Variants in RBFOX1 observed in about 807,000 individuals in gnomAD.
The protein encoded by RBFOX1 is RNA binding protein fox-1 homolog 1.
A neutral mutation model predicts 57.7 loss-of-function variants in RBFOX1; 8 were observed. The observed-to-expected ratio is 0.14, with a 90% CI of 0.08 to 0.25. The LOEUF is 0.25. RBFOX1 is among the 10% of genes least tolerant of loss of function. RBFOX1 has a pLI of 1.00. For synonymous variants in RBFOX1, 326 were observed against 222.4 expected, an observed-to-expected ratio of 1.47 and a Z score of -4.15; for missense variants, 611 against 548.5, an observed-to-expected ratio of 1.11 and a Z score of -1.14.
intron 3 of RBFOX1, among the ~76,000 whole-genome samples, chr16:6,720,694 C>T (rs903786819): frequency 5.9e-5 from 9 of 152,106 alleles, no homozygotes; most frequent in Non-Finnish European, 8.8e-5. Context: ...CTAGAGAGAC[C>T]AGGGTGGTGG....
intron 3 of RBFOX1, among the ~76,000 whole-genome samples, chr16:5,641,405 G>GT (rs1402689439): frequency 2.0e-5 from 3 of 152,238 alleles, no homozygotes; most frequent in Non-Finnish European, 4.4e-5. Context: ...TCCAGTAGTA[G>GT]TAAGTGCTAC....
intron 1 of RBFOX1, among the ~76,000 whole-genome samples, chr16:6,070,380 C>T (rs915393206): frequency 2.0e-5 from 3 of 152,348 alleles, no homozygotes; most frequent in Non-Finnish European, 2.9e-5. Flanking sequence ...ATTTCATACA[C>T]TTCAGATTAT....
chr16:5,379,426 GCTGTGGCTCT>G lies in RBFOX1; in HGVS notation c.220-87789_220-87780del, dbSNP rs1306364253. On this transcript the variant is annotated intron_variant, in intron 1 of 2. Coordinates refer to the RBFOX1 transcript ENST00000585867. ...GGGCCATTCCTACCTGGGGTGGAGA[GCTGTGGCTCT>G]AATGGAAAGTGTGTCTGAAAACATA... Among the ~76,000 whole-genome samples, 5 of 147,582 alleles carry G rather than the reference GCTGTGGCTCT, an allele frequency of 3.4e-5. No homozygotes were observed. In the East Asian group the frequency reaches 9.7e-4, roughly 28 times the overall value.
chr16:7,345,284 A>G (rs1428386534), intron 4 of RBFOX1, among the ~76,000 whole-genome samples: 1 of 151,686 alleles, frequency 6.6e-6, no homozygotes, highest in African/African-American at 2.4e-5. Flanking sequence ...ACAGCTCTGC[A>G]TTTGTTTTGG....
chr16:7,683,545 C>T (rs2075385123), intron 14 of RBFOX1, among the ~76,000 whole-genome samples: 1 of 152,064 alleles, frequency 6.6e-6, no homozygotes, highest in South Asian at 2.1e-4. Context: ...AAGGAATTTC[C>T]AAGCCCAACA....
intron 3 of RBFOX1, among the ~76,000 whole-genome samples, chr16:6,816,975 T>G (rs2090218952): frequency 6.6e-6 from 1 of 152,076 alleles, no homozygotes; most frequent in African/African-American, 2.4e-5. Context: ...CTCATACTCC[T>G]GTGCTCAAGC....
At chr16:7,507,854 C>T (rs181795463) in intron 4 of RBFOX1, among the ~76,000 whole-genome samples, 112 of 152,058 alleles carry the variant, frequency 7.4e-4, no homozygotes, top group African/African-American at 2.4e-3. Flanking sequence ...TGAGCCACGG[C>T]GCCCGGCCGG....
chr16:7,490,884 G>C (rs775729140), intron 4 of RBFOX1, among the ~76,000 whole-genome samples: 24 of 152,224 alleles, frequency 1.6e-4, no homozygotes, highest in Non-Finnish European at 2.6e-4. Context: ...TCTGACATTA[G>C]GGTGTCTTTA....
chr16:6,957,508 C>T (rs930873793), intron 3 of RBFOX1, among the ~76,000 whole-genome samples: 2 of 152,122 alleles, frequency 1.3e-5, no homozygotes, highest in African/African-American at 4.8e-5. Flanking sequence ...CATTTATAAA[C>T]TTTCACCGTG....
rs537458577 is a variant in RBFOX1 at position 5,615,779 on chromosome 16, G to A, written c.318+16818G>A. Among the ~76,000 whole-genome samples the A allele has an allele frequency of 2.0e-5, 3 of 152,326 alleles. No individual in the cohort carries two copies. The East Asian group carries it at 5.8e-4, about 29-fold the overall frequency. ...GGAAAAAGGACCCCAGATGATGAGT[G>A]CCTATCTGGGTTTCTGCCCCATGAT... On this transcript the variant is annotated intron_variant, in intron 3 of 19. Transcript: ENST00000641259.
At chr16:6,353,750 C>G (rs1284397600) in intron 2 of RBFOX1, among the ~76,000 whole-genome samples, 1 of 152,144 alleles carries the variant, frequency 6.6e-6, no homozygotes, top group Non-Finnish European at 1.5e-5. Context: ...AAAATTCATG[C>G]AAGCGAACGG....
intron 5 of RBFOX1, among the ~76,000 whole-genome samples, chr16:7,551,016 C>T (rs752669954): frequency 1.1e-4 from 17 of 150,046 alleles, no homozygotes; most frequent in Non-Finnish European, 1.9e-4. Context: ...ATCACTTGAA[C>T]CCAGGAGGCG....
intron 3 of RBFOX1, among the ~76,000 whole-genome samples, chr16:6,664,502 G>A (rs748257592): frequency 6.6e-6 from 1 of 152,108 alleles, no homozygotes; most frequent in Non-Finnish European, 1.5e-5. Flanking sequence ...ATGGGATCTT[G>A]GTAGGATGTG....
At chr16:6,911,029 C>G (rs777385931) in intron 3 of RBFOX1, among the ~76,000 whole-genome samples, 4 of 151,816 alleles carry the variant, frequency 2.6e-5, no homozygotes, top group Non-Finnish European at 5.9e-5. Context: ...GGTGAAACCC[C>G]GTCTCTACCA....
At chr16:5,758,685 G>T (rs543084539) in intron 3 of RBFOX1, among the ~76,000 whole-genome samples, 4 of 152,302 alleles carry the variant, frequency 2.6e-5, no homozygotes, top group Non-Finnish European at 5.9e-5. Flanking sequence ...ATAAAGAAAT[G>T]ATGTGTTGTA....
At chr16:5,397,627 G>C (rs80168920) in intron 1 of RBFOX1, among the ~76,000 whole-genome samples, 7,348 of 152,256 alleles carry the variant, frequency 0.048, 247 homozygotes, top group East Asian at 0.12. Flanking sequence ...ATAGATGAAA[G>C]GCATGAAGAA....
intron 1 of RBFOX1, among the ~76,000 whole-genome samples, chr16:5,435,910 C>T (rs2067903597): frequency 6.6e-6 from 1 of 152,166 alleles, no homozygotes; most frequent in African/African-American, 2.4e-5. Context: ...GGTGAACAAC[C>T]CGATTGCTTA....
At chr16:7,507,730 A>C (rs1206133800) in intron 4 of RBFOX1, among the ~76,000 whole-genome samples, 1 of 151,270 alleles carries the variant, frequency 6.6e-6, no homozygotes, top group East Asian at 2.0e-4. Flanking sequence ...CGCCTGGCTA[A>C]TTGTTGGTAA....
intron 4 of RBFOX1, among the ~76,000 whole-genome samples, chr16:5,913,770 T>C (rs1222317241): frequency 6.6e-6 from 1 of 152,214 alleles, no homozygotes; most frequent in Non-Finnish European, 1.5e-5. Flanking sequence ...TGCCAATAAT[T>C]GTGCATTCTG....
Sources: allele counts gnomAD v4.1 joint callset (sites outside exome capture counted in the v4.1 genomes callset), GRCh38; gene constraint gnomAD v4.1.1; transcripts MANE v1.5; gene names NCBI Gene and HGNC (gene_info 2026-07-23, HGNC 2026-07-21).